Variants in SKP2 observed in about 807,000 individuals in gnomAD.
The protein encoded by SKP2 is S-phase kinase associated protein 2.
In SKP2, 16 loss-of-function variants were observed where a neutral mutation model predicts 51.8. The observed-to-expected ratio is 0.31, with a 90% CI of 0.21 to 0.47. The LOEUF (loss-of-function observed/expected upper bound fraction) is 0.47. Ranked by LOEUF, SKP2 falls within the 20% of genes least tolerant of loss-of-function variation. SKP2 has a pLI of 1.00. For missense variants in SKP2, 377 were observed against 505.3 expected (o/e 0.75, Z 2.43); for synonymous variants, 176 against 198.6 (o/e 0.89, Z 0.96).
rs752975573 is a variant in SKP2, at chr5:36,152,227, A to G, written c.-36A>G. On this transcript the variant is annotated 5_prime_UTR_variant, in exon 1 of 10. It removes an upstream start codon present in the reference 5' UTR. Coordinates refer to ENST00000274255, the MANE Select transcript of SKP2 (RefSeq NM_005983.4). ...TGGGAGGCGAGCAGCTCTGCAGTTA[A>G]TGCACGTATTTTAAACTCCCGGGCC... 6.2e-6 allele frequency: 10 copies of G among 1,612,606 alleles called. No individual in the cohort carries two copies. The South Asian group carries it at 9.9e-5, about 16-fold the overall frequency.
chr5:36,188,599 A>G (rs1745977464), downstream of SKP2, among the ~76,000 whole-genome samples: 1 of 152,228 alleles, frequency 6.6e-6, no homozygotes, highest in East Asian at 1.9e-4. Flanking sequence ...CGAGAAATCC[A>G]CTGTTAGTCT....
chr5:36,161,059 A>G (rs970587662), intron 2 of SKP2, among the ~76,000 whole-genome samples: 2 of 152,108 alleles, frequency 1.3e-5, no homozygotes, highest in Non-Finnish European at 2.9e-5. Context: ...CGCCATTCCC[A>G]TAAGCTGCAC....
At chr5:36,152,710 C>T in intron 1 of SKP2, 61 bp from the exon 2 acceptor site, 1 of 1,551,090 alleles carries the variant, frequency 6.4e-7, no homozygotes, top group South Asian at 1.2e-5. Context: ...TCTTTAATTG[C>T]CTTGAAATTA....
chr5:36,171,586 A>G lies in SKP2; in HGVS notation c.771-17A>G. The G allele has an allele frequency of 6.2e-7, 1 of 1,610,078 alleles. No homozygotes were observed. The highest frequency in any genetic ancestry group is 8.5e-7 in the Non-Finnish European group (1 of 1,177,964). Reference sequence around the variant, plus strand: ...GTGATGGTTTCATATTTTGTTTATTACCCCTCTTTTGTGCAGACTGGATGA... The same window carrying G: ...GTGATGGTTTCATATTTTGTTTATTGCCCCTCTTTTGTGCAGACTGGATGA... On this transcript the variant is annotated splice_polypyrimidine_tract_variant and intron_variant, in intron 6 of 9. Coordinates refer to ENST00000274255, the MANE Select transcript of SKP2 (RefSeq NM_005983.4).
intron 6 of SKP2, among the ~76,000 whole-genome samples, chr5:36,190,223 TGTCCTGC>T (rs1745994851): frequency 5.9e-4 from 2 of 3,370 alleles, no homozygotes; most frequent in Middle Eastern, 0.25. Flanking sequence ...CTGCACCCAC[TGTCCTGC>T]ACCCACTGTC....
downstream of SKP2, among the ~76,000 whole-genome samples, chr5:36,188,836 G>A (rs977195097): frequency 2.6e-5 from 4 of 152,184 alleles, no homozygotes; most frequent in East Asian, 3.8e-4. Flanking sequence ...TTCCAACTTG[G>A]TTCCATTCTC....
At chr5:36,163,598 A>G (rs1745193066) in intron 2 of SKP2, 47 bp from the exon 3 acceptor site, 5 of 1,158,912 alleles carry the variant, frequency 4.3e-6, no homozygotes, top group South Asian at 1.2e-5. Context: ...AGTAGACTTG[A>G]TAGGGTGAAA....
Position 36,152,955 on chromosome 5 carries a change from C to A in SKP2, c.193C>A (p.Pro65Thr), listed in dbSNP as rs572621184. 15 of 1,614,014 alleles carry A rather than the reference C, an allele frequency of 9.3e-6. No homozygotes were observed. The highest frequency in any genetic ancestry group is 1.3e-5 in the African/African-American group (1 of 74,990). Residue 65 changes from proline (P) to threonine (T), a missense_variant, in exon 2 of 10, where the codon CCC becomes ACC. Pro to Thr is a conservative substitution (Grantham distance 38, BLOSUM62 -1). This residue lies in a region of SKP2 where 115 missense variants were observed against 115.5 expected (regional missense o/e 1.00). Transcript: ENST00000274255. ...CTCAAACCTGGGCCACCCGGAGAGC[C>A]CCCCACGGAAACGGCTGAAGAGCAA... ...LLSNLGHPES[P>T]PRKRLKSKGS...
At chr5:36,177,418 ACTGG>A in intron 9 of SKP2, 126 bp downstream of exon 9, 1 of 742,342 alleles carries the variant, frequency 1.3e-6, no homozygotes, top group Non-Finnish European at 2.5e-6. Context: ...TATACCACAG[ACTGG>A]CTATGAAAGA....
chr5:36,185,009 G>A (rs1391109197), downstream of SKP2, among the ~76,000 whole-genome samples: 2 of 152,126 alleles, frequency 1.3e-5, no homozygotes, highest in African/African-American at 2.4e-5. Context: ...TTCTCTGATG[G>A]CCAGTGATGA....
At chr5:36,155,689 A>T (rs972766752) in intron 2 of SKP2, among the ~76,000 whole-genome samples, 2 of 152,198 alleles carry the variant, frequency 1.3e-5, no homozygotes, top group African/African-American at 4.8e-5. Flanking sequence ...TAGCCCTAAC[A>T]ATCTGGTGCT....
chr5:36,153,907 G>T (rs1579544435), intron 2 of SKP2, among the ~76,000 whole-genome samples: 1 of 152,198 alleles, frequency 6.6e-6, no homozygotes, highest in East Asian at 1.9e-4. Context: ...TTGACCTGGG[G>T]TTATCAGTTT....
At chr5:36,173,633 C>T (rs1745542748) in intron 7 of SKP2, among the ~76,000 whole-genome samples, 1 of 152,032 alleles carries the variant, frequency 6.6e-6, no homozygotes, top group Non-Finnish European at 1.5e-5. Context: ...AAAATCTTTC[C>T]CTTTGTTCCT....
chr5:36,187,150 G>A (rs2432204), downstream of SKP2, among the ~76,000 whole-genome samples: 7 of 151,746 alleles, frequency 4.6e-5, no homozygotes, highest in South Asian at 2.1e-4. Context: ...TCTTGCTAGC[G>A]GTCTATCAAT....
chr5:36,191,155 TG>T (rs1746015337), intron 6 of SKP2, among the ~76,000 whole-genome samples: 1 of 152,180 alleles, frequency 6.6e-6, no homozygotes, highest in Non-Finnish European at 1.5e-5. Flanking sequence ...CATAAACTGG[TG>T]GTTAGATCTA....
chr5:36,161,512 C>T (rs574931314), intron 2 of SKP2, among the ~76,000 whole-genome samples: 27 of 152,154 alleles, frequency 1.8e-4, no homozygotes, highest in Non-Finnish European at 3.7e-4. Flanking sequence ...CAGAATGACT[C>T]ATTCTAAGAA....
intron 9 of SKP2, among the ~76,000 whole-genome samples, chr5:36,179,907 C>T (rs1038476452): frequency 5.5e-5 from 5 of 91,522 alleles, no homozygotes; most frequent in African/African-American, 1.1e-4. Flanking sequence ...ATGCACATAC[C>T]GGGGGCATTT....
chr5:36,171,604 C>G lies in SKP2; in HGVS notation c.772C>G (p.Leu258Val). ...LQTLLSSCSR[L>V]DELNLSWCFD... ...GTTTATTACCCCTCTTTTGTGCAGA[C>G]TGGATGAGCTGAACCTCTCCTGGTG... is the stretch of plus-strand genomic sequence containing the variant. Residue 258 changes from leucine (L) to valine (V), a missense_variant and splice_region_variant, in exon 7 of 10, where the codon CTG becomes GTG. Leu to Val is a conservative substitution (Grantham distance 32). This residue lies in a region of SKP2 where 262 missense variants were observed against 389.8 expected (regional missense o/e 0.67). Coordinates refer to ENST00000274255, the MANE Select transcript of SKP2 (RefSeq NM_005983.4). 6.2e-7 allele frequency: 1 copy of G among 1,613,484 alleles called. No homozygotes were observed. The highest frequency in any genetic ancestry group is 8.5e-7 in the Non-Finnish European group (1 of 1,179,532).
intron 3 of SKP2, among the ~76,000 whole-genome samples, 185 bp downstream of exon 3, chr5:36,163,941 G>T (rs189736537): frequency 1.5e-3 from 222 of 152,260 alleles, no homozygotes; most frequent in African/African-American, 5.1e-3. Context: ...TCCTGGGAGG[G>T]ATAAACTTAC....
Sources: allele counts gnomAD v4.1 joint callset (sites outside exome capture counted in the v4.1 genomes callset), GRCh38; gene constraint gnomAD v4.1.1; regional missense constraint gnomAD v4.1.1; transcripts MANE v1.5; gene names NCBI Gene and HGNC (gene_info 2026-07-23, HGNC 2026-07-21).